Variants in KIF26B observed in about 807,000 individuals in gnomAD.
KIF26B encodes kinesin-like protein KIF26B.
Under a neutral mutation model 151.2 loss-of-function variants are expected in KIF26B, and 63 were observed. That is an observed-to-expected ratio of 0.42 (90% CI 0.34 to 0.51). KIF26B has a LOEUF of 0.51. Among genes scored for constraint, KIF26B ranks in the 20% least tolerant of loss-of-function variants. KIF26B has a pLI of 0.07. For synonymous variants in KIF26B, 1,357 were observed against 1,262.1 expected (o/e 1.08, Z -1.59); for missense variants, 2,813 against 2,913.6 (o/e 0.97, Z 0.79).
intron 2 of KIF26B, among the ~76,000 whole-genome samples, chr1:245,344,816 G>C (rs1672413450): frequency 6.6e-6 from 1 of 151,958 alleles, no homozygotes; most frequent in Non-Finnish European, 1.5e-5. Flanking sequence ...CAGGCTGGAC[G>C]TATCCCTTGA....
chr1:245,440,831 G>A (rs1213224346), intron 4 of KIF26B, among the ~76,000 whole-genome samples: 2 of 152,204 alleles, frequency 1.3e-5, no homozygotes, highest in Non-Finnish European at 2.9e-5. Context: ...AGCCCCTTGG[G>A]CAAGTCCAGA....
rs1447074164 is a variant in KIF26B, at chr1:245,698,647, GAATGGCCTGTCATAGTCCAAA to G, written c.6028-234_6028-214del. On this transcript the variant is annotated intron_variant, in intron 13 of 14. Transcript: ENST00000407071. This position sits in a 1 kb window ranked among gnomAD's most constrained non-coding sequence, Gnocchi z 4.0. ...CCCACCACCTGCTTTCTCAACTTAA[GAATGGCCTGTCATAGTCCAAA>G]AATGGTCTGTCATAGTCCAAGAATG... Among the ~76,000 whole-genome samples, 3 of 152,182 alleles carry G rather than the reference GAATGGCCTGTCATAGTCCAAA, an allele frequency of 2.0e-5. No individual in the cohort carries two copies. Among genetic ancestry groups the G allele is most frequent in the Non-Finnish European group, 4.4e-5 (3 of 68,032 alleles).
chr1:245,443,620 C>T (rs868855641), intron 4 of KIF26B, among the ~76,000 whole-genome samples: 4 of 93,178 alleles, frequency 4.3e-5, no homozygotes, highest in African/African-American at 1.1e-4. Context: ...TCATCTCCCT[C>T]ACTGTTCACC....
chr1:245,627,770 C>G (rs1224947894), intron 9 of KIF26B, among the ~76,000 whole-genome samples: 1 of 151,910 alleles, frequency 6.6e-6, no homozygotes, highest in African/African-American at 2.4e-5. Flanking sequence ...AAGAATCAAA[C>G]AGACACAATA....
intron 3 of KIF26B, among the ~76,000 whole-genome samples, chr1:245,390,936 AAAAAAAAAAAAAAAAAC>A (rs1267699265): frequency 2.8e-5 from 4 of 143,802 alleles, no homozygotes; most frequent in Non-Finnish European, 6.0e-5. Context: ...AAAAAAAAAA[AAAAAAAAAAAAAAAAAC>A]CACCATAAAA....
intron 2 of KIF26B, among the ~76,000 whole-genome samples, chr1:245,345,701 A>G (rs568597079): frequency 6.6e-6 from 1 of 151,748 alleles, no homozygotes; most frequent in Non-Finnish European, 1.5e-5. Flanking sequence ...TTCTCGTGAG[A>G]TCTGGTTGTT....
At chr1:245,374,668 T>G (rs566873730) in intron 3 of KIF26B, among the ~76,000 whole-genome samples, 34 of 152,184 alleles carry the variant, frequency 2.2e-4, no homozygotes, top group Admixed American at 5.2e-4. Context: ...GTGGAAGAGA[T>G]TCTTAAGACC....
intron 5 of KIF26B, among the ~76,000 whole-genome samples, chr1:245,586,195 G>GTGTGTGTGTT (rs1239556943): frequency 1.2e-4 from 16 of 137,420 alleles, no homozygotes; most frequent in Admixed American, 3.5e-4. Flanking sequence ...GTGTGTGTGT[G>GTGTGTGTGTT]TGTTTGTTTT....
Position 245,609,472 on chromosome 1 carries a change from C to T in KIF26B, c.1858C>T (p.Gln620Ter). The T allele has an allele frequency of 6.2e-7, 1 of 1,601,152 alleles. No individual in the cohort carries two copies. Among genetic ancestry groups the T allele is most frequent in the Non-Finnish European group, 8.5e-7 (1 of 1,173,700 alleles). ...LLSEVATGSL[Q>*]DGQSPGVYLC... is the part of the protein sequence containing the mutation. Reference sequence around the variant, plus strand: ...GTCGGAGGTGGCCACGGGCAGCCTGCAGGACGGCCAGTCCCCGGGCGTGTA... The same window carrying T: ...GTCGGAGGTGGCCACGGGCAGCCTGTAGGACGGCCAGTCCCCGGGCGTGTA... Residue 620 changes from glutamine to a stop codon, truncating the protein, a stop_gained, in exon 8 of 15, where the codon CAG (glutamine) becomes TAG (stop). Coordinates refer to ENST00000407071, the MANE Select transcript of KIF26B (RefSeq NM_018012.4). LOFTEE classifies it high-confidence loss of function.
At chr1:245,194,666 C>T (rs895027861) in intron 2 of KIF26B, among the ~76,000 whole-genome samples, 1 of 152,200 alleles carries the variant, frequency 6.6e-6, no homozygotes. Flanking sequence ...GTGCGAGCCA[C>T]TGCACCTGGC....
intron 2 of KIF26B, among the ~76,000 whole-genome samples, chr1:245,211,991 G>A (rs1024305604): frequency 6.6e-6 from 1 of 152,160 alleles, no homozygotes; most frequent in Non-Finnish European, 1.5e-5. Flanking sequence ...GGGGCTGGTG[G>A]GAAGTGGTAC....
At chr1:245,280,302 A>G (rs1470994965) in intron 2 of KIF26B, among the ~76,000 whole-genome samples, 3 of 151,212 alleles carry the variant, frequency 2.0e-5, no homozygotes, top group Non-Finnish European at 4.4e-5. Context: ...TCATGAGGTC[A>G]GGAGATTGAG....
intron 3 of KIF26B, among the ~76,000 whole-genome samples, chr1:245,415,347 A>G (rs938269688): frequency 6.6e-6 from 1 of 152,166 alleles, no homozygotes; most frequent in Non-Finnish European, 1.5e-5. Flanking sequence ...TTTGATTAAT[A>G]GGACAATTCG....
At chr1:245,656,836 A>AATTC (rs928962595) in intron 10 of KIF26B, among the ~76,000 whole-genome samples, 1 of 152,150 alleles carries the variant, frequency 6.6e-6, no homozygotes, top group Non-Finnish European at 1.5e-5. Flanking sequence ...TTTTGTGTGT[A>AATTC]ATTCATTCAT....
chr1:245,390,943 A>ACAAAAACAAAACAAAAC (rs1224485847), intron 3 of KIF26B, among the ~76,000 whole-genome samples: 1 of 118,412 alleles, frequency 8.4e-6, no homozygotes, highest in Non-Finnish European at 1.6e-5. Flanking sequence ...AAAAAAAAAA[A>ACAAAAACAAAACAAAAC]AAAAAAAAAC....
intron 4 of KIF26B, among the ~76,000 whole-genome samples, chr1:245,487,419 GCTGGCCAGTA>G (rs1660306009): frequency 6.6e-6 from 1 of 152,160 alleles, no homozygotes; most frequent in Non-Finnish European, 1.5e-5. Context: ...GGGCCTACGT[GCTGGCCAGTA>G]CTCTAGCCTG....
At chr1:245,577,904 T>C (rs1382920102) in intron 5 of KIF26B, among the ~76,000 whole-genome samples, 1 of 148,384 alleles carries the variant, frequency 6.7e-6, no homozygotes, top group Non-Finnish European at 1.5e-5. Context: ...CTCCGGGCGA[T>C]GCTTCCCCTA....
chr1:245,702,735 G>A lies in KIF26B; in HGVS notation c.*129G>A. On this transcript the variant is annotated 3_prime_UTR_variant, in exon 15 of 15. Transcript: ENST00000407071. The surrounding 1 kb of genome is among the most constrained non-coding windows in gnomAD (Gnocchi z 4.1). Reference sequence around the variant, plus strand: ...GATGAAGGTTGGTGGCAAGTCTGGAGCGGGCGTTGAGCGGAAGGCGAGTTT... The same window carrying A: ...GATGAAGGTTGGTGGCAAGTCTGGAACGGGCGTTGAGCGGAAGGCGAGTTT... 1 of 1,084,688 alleles carries A rather than the reference G, an allele frequency of 9.2e-7. No homozygotes were observed. Among genetic ancestry groups the A allele is most frequent in the Non-Finnish European group, 1.3e-6 (1 of 774,280 alleles). The allele number at this position is 1,084,688 out of a possible 1,614,324, so 67.2% of individuals were successfully genotyped here. A position where few individuals can be genotyped will look rare whatever the true frequency, so the allele number is the denominator to read the frequency against.
chr1:245,699,753 C>T (rs1322379921), intron 14 of KIF26B, among the ~76,000 whole-genome samples: 1 of 152,196 alleles, frequency 6.6e-6, no homozygotes, highest in Non-Finnish European at 1.5e-5. Flanking sequence ...ATTCAAGTTC[C>T]CTCTGCCTCC....
Sources: gnomAD v4.1 joint callset for allele counts (sites outside exome capture counted in the v4.1 genomes callset) on GRCh38, gnomAD v4.1.1 for gene constraint, Gnocchi (gnomAD v3.1) non-coding constraint, MANE v1.5 for transcripts, NCBI Gene and HGNC (gene_info 2026-07-23, HGNC 2026-07-21) for gene names.